Variants in GALM observed in about 807,000 individuals in gnomAD.
The protein encoded by GALM is galactose mutarotase, also known as aldose 1-epimerase.
In GALM, 43 loss-of-function variants were observed where a neutral mutation model predicts 37.4. That is an observed-to-expected ratio of 1.15 (90% confidence interval 0.90 to 1.48). The LOEUF (loss-of-function observed/expected upper bound fraction) is 1.48. Ranked by LOEUF, GALM falls within the 40% of genes most tolerant of loss-of-function variation. The pLI, the probability that GALM is intolerant of heterozygous loss-of-function variation, is 0.00. For missense variants in GALM, 456 were observed against 419.1 expected (o/e 1.09, Z -0.77); for synonymous variants, 199 against 170.6 (o/e 1.17, Z -1.30).
rs753389471 is a variant in GALM at position 38,733,547 on chromosome 2, C to T, written c.1011C>T (p.Phe337=). 4.3e-6 allele frequency: 7 copies of T among 1,613,834 alleles called. No homozygotes were observed. In the East Asian group the frequency reaches 1.6e-4, roughly 36 times the overall value. ...AGGAGTATGACCACACCACCTGGTT[C>T]AAGTTTTCTGTGGCTTAAGGAAGTG... ...PGEEYDHTTW[F]KFSVA The change falls in exon 7 of 7, where the codon TTC becomes TTT. Residue 337 remains phenylalanine (F), a synonymous_variant. Transcript: ENST00000272252.
At position 38,733,719 on chromosome 2, in the gene GALM, T is replaced by G; in HGVS notation, c.*154T>G. ...CTGAGAATCAGTCTGGGTATTGATT[T>G]CCTTTTCCAGTGACTGGCTCCAGGC... On this transcript the variant is annotated 3_prime_UTR_variant, in exon 7 of 7. Coordinates refer to ENST00000272252, the MANE Select transcript of GALM (RefSeq NM_138801.3). 1 of 662,688 alleles carries G rather than the reference T, an allele frequency of 1.5e-6. No individual in the cohort carries two copies. The highest frequency in any genetic ancestry group is 2.7e-6 in the Non-Finnish European group (1 of 363,926). The allele number at this position is 662,688 out of a possible 1,614,324, so 41.1% of individuals were successfully genotyped here.
intron 4 of GALM, among the ~76,000 whole-genome samples, chr2:38,721,225 G>A (rs1666369993): frequency 6.6e-6 from 1 of 152,208 alleles, no homozygotes; most frequent in African/African-American, 2.4e-5. Context: ...CACTTTCAGA[G>A]TGCAGGTAAT....
chr2:38,701,668 T>A (rs1186884951), intron 4 of GALM, among the ~76,000 whole-genome samples: 1 of 152,330 alleles, frequency 6.6e-6, no homozygotes, highest in Non-Finnish European at 1.5e-5. Flanking sequence ...TGTATTTTAT[T>A]TCAACCTCTG....
intron 4 of GALM, among the ~76,000 whole-genome samples, chr2:38,703,940 C>T (rs1198954637): frequency 6.6e-6 from 1 of 151,904 alleles, no homozygotes; most frequent in Non-Finnish European, 1.5e-5. Flanking sequence ...GCTTTGAACC[C>T]AGGAGGCAGA....
At chr2:38,731,671 C>T in intron 5 of GALM, 64 bp from the exon 6 acceptor site, 1 of 1,297,806 alleles carries the variant, frequency 7.7e-7, no homozygotes, top group Non-Finnish European at 1.1e-6. Flanking sequence ...AGCCGCTTCC[C>T]AGCTTCTACT....
At chr2:38,716,249 G>A (rs189393229) in intron 4 of GALM, among the ~76,000 whole-genome samples, 55 of 152,302 alleles carry the variant, frequency 3.6e-4, no homozygotes, top group Non-Finnish European at 6.8e-4. Context: ...CAGCTTCTGC[G>A]CCTTTCGCGT....
chr2:38,725,751 A>C (rs1553385174), intron 4 of GALM, among the ~76,000 whole-genome samples: 1 of 151,176 alleles, frequency 6.6e-6, no homozygotes, highest in Admixed American at 6.6e-5. Context: ...ACAGAGTCTC[A>C]CTCTGTCTGG....
At chr2:38,683,863 G>A (rs1033363853) in intron 3 of GALM, among the ~76,000 whole-genome samples, 3 of 152,154 alleles carry the variant, frequency 2.0e-5, no homozygotes, top group African/African-American at 4.8e-5. Context: ...CACCGCACCT[G>A]GCCCCAGATT....
intron 4 of GALM, among the ~76,000 whole-genome samples, chr2:38,710,992 G>A (rs899106617): frequency 1.3e-5 from 2 of 151,776 alleles, no homozygotes; most frequent in African/African-American, 4.8e-5. Context: ...GACTTTAGGC[G>A]ATCCACCCAC....
At chr2:38,687,690 G>A (rs557586282) in intron 3 of GALM, among the ~76,000 whole-genome samples, 31 of 150,848 alleles carry the variant, frequency 2.1e-4, no homozygotes, top group African/African-American at 6.3e-4. Context: ...CAGCCTGGGC[G>A]ACACAGTAAG....
At chr2:38,724,509 G>A (rs1335629680) in intron 4 of GALM, among the ~76,000 whole-genome samples, 1 of 152,186 alleles carries the variant, frequency 6.6e-6, no homozygotes, top group Non-Finnish European at 1.5e-5. Context: ...AAAGGGCCCA[G>A]AGACATGGCG....
intron 1 of GALM, chr2:38,669,291 G>C (rs972113335): frequency 1.3e-5 from 2 of 152,234 alleles, no homozygotes; most frequent in African/African-American, 4.8e-5. Flanking sequence ...ACATTTTATA[G>C]AAAAGCAGTG....
chr2:38,673,658 A>G (rs556112494), intron 1 of GALM, among the ~76,000 whole-genome samples: 6 of 152,066 alleles, frequency 3.9e-5, no homozygotes, highest in African/African-American at 1.4e-4. Flanking sequence ...AAAATACAAA[A>G]AATAAGCCGG....
chr2:38,702,100 T>C (rs1665932781), intron 4 of GALM, among the ~76,000 whole-genome samples: 1 of 152,110 alleles, frequency 6.6e-6, no homozygotes, highest in Non-Finnish European at 1.5e-5. Context: ...TCTAGATTAG[T>C]GCCTGGCTTA....
At chr2:38,719,679 C>CA (rs1252598909) in intron 4 of GALM, among the ~76,000 whole-genome samples, 1 of 147,814 alleles carries the variant, frequency 6.8e-6, no homozygotes, top group Non-Finnish European at 1.5e-5. Context: ...GGAGCTGAGG[C>CA]AGGAGAATCG....
chr2:38,722,891 G>T (rs1225021408), intron 4 of GALM, among the ~76,000 whole-genome samples: 3 of 152,298 alleles, frequency 2.0e-5, no homozygotes, highest in Non-Finnish European at 4.4e-5. Flanking sequence ...ACACTATGCA[G>T]ATGTGTCACC....
chr2:38,670,091 TG>T (rs1279993437), intron 1 of GALM, among the ~76,000 whole-genome samples: 10 of 151,876 alleles, frequency 6.6e-5, no homozygotes, highest in Non-Finnish European at 1.3e-4. Context: ...CTCAAACTCC[TG>T]ACCTCAAGTG....
chr2:38,688,673 A>G (rs1462031003), intron 3 of GALM, among the ~76,000 whole-genome samples: 2 of 152,282 alleles, frequency 1.3e-5, no homozygotes, highest in East Asian at 1.9e-4. Flanking sequence ...ATATGTTGCT[A>G]TTGATAATAT....
chr2:38,705,089 ACAGT>A (rs1666011432), intron 4 of GALM, among the ~76,000 whole-genome samples: 1 of 152,204 alleles, frequency 6.6e-6, no homozygotes, highest in African/African-American at 2.4e-5. Flanking sequence ...TTGCAGGCTA[ACAGT>A]CAGTGAATTT....
Sources: gnomAD v4.1 joint callset for allele counts (sites outside exome capture counted in the v4.1 genomes callset) on GRCh38, gnomAD v4.1.1 for gene constraint, MANE v1.5 for transcripts, NCBI Gene and HGNC (gene_info 2026-07-23, HGNC 2026-07-21) for gene names.